The following PPL variants were observed in gnomAD, a reference collection of about 807,000 sequenced individuals.
PPL encodes 190 kDa paraneoplastic pemphigus antigen.
A neutral mutation model predicts 194.4 loss-of-function variants in PPL; 198 were observed. That is an observed-to-expected ratio of 1.02 (90% CI 0.91 to 1.15). PPL has a LOEUF of 1.15. Ranked by LOEUF, PPL falls within the 50% of genes most tolerant of loss-of-function variation. The pLI is 0.00. For missense variants in PPL, 2,885 were observed against 2,294.8 expected, an observed-to-expected ratio of 1.26 and a Z score of -5.25; for synonymous variants, 1,220 against 972.4, an observed-to-expected ratio of 1.25 and a Z score of -4.74.
In PPL at chr16:4,892,233, T is replaced by A; in HGVS notation, c.1651-20A>T. 1 of 1,602,086 alleles carries A rather than the reference T, an allele frequency of 6.2e-7. No individual in the cohort carries two copies. Among genetic ancestry groups the A allele is most frequent in the Non-Finnish European group, 8.5e-7 (1 of 1,171,322 alleles). On this transcript the variant is annotated intron_variant, in intron 14 of 21. Coordinates refer to ENST00000345988, the MANE Select transcript of PPL (RefSeq NM_002705.5). ...GATGTTCTGTGGGAACCAGGGCCCCTCAGTTTTGGACACAGCCAGGCAGCC... is the reference window on the plus strand; with the variant it reads ...GATGTTCTGTGGGAACCAGGGCCCCACAGTTTTGGACACAGCCAGGCAGCC...
intron 1 of PPL, among the ~76,000 whole-genome samples, chr16:4,932,213 G>A (rs904900857): frequency 3.3e-5 from 5 of 152,246 alleles, no homozygotes; most frequent in African/African-American, 1.2e-4. Flanking sequence ...CTGTCAGAAT[G>A]AGATGTAACA....
chr16:4,892,993 G>T, intron 14 of PPL: 1 of 548,774 alleles, frequency 1.8e-6, no homozygotes. Context: ...AAGCCGTGCA[G>T]GAACAATGCA....
rs890289169 is a variant in PPL at position 4,901,219 on chromosome 16, G to A, written c.439-130C>T. ...TCACGGGGCCCTGCAGAGCCACAAG[G>A]AGATGCTGGCCACACCTTCAACCCT... On this transcript the variant is annotated intron_variant, in intron 4 of 21. Transcript: ENST00000345988. 19 of 1,017,618 alleles carry A rather than the reference G, an allele frequency of 1.9e-5. No homozygotes were observed. The Admixed American group carries it at 2.2e-4, about 12-fold the overall frequency. The allele number at this position is 1,017,618 out of a possible 1,614,324, so 63.0% of individuals were successfully genotyped here.
At chr16:4,897,332 C>CAA (rs57191109) in intron 9 of PPL, among the ~76,000 whole-genome samples, 2,190 of 52,878 alleles carry the variant, frequency 0.041, 138 homozygotes, top group African/African-American at 0.13. Flanking sequence ...AAGACTCTCT[C>CAA]AAAAAAAAAA....
At chr16:4,916,467 C>T (rs2088918634) in intron 1 of PPL, among the ~76,000 whole-genome samples, 1 of 151,308 alleles carries the variant, frequency 6.6e-6, no homozygotes, top group South Asian at 2.1e-4. Flanking sequence ...TTGCCTTGGC[C>T]TCCCAAAGTG....
chr16:4,906,704 G>C (rs1339315658), intron 2 of PPL, among the ~76,000 whole-genome samples: 1 of 152,262 alleles, frequency 6.6e-6, no homozygotes, highest in Non-Finnish European at 1.5e-5. Context: ...CTAGCTGAGG[G>C]AGGCTAGTGT....
At chr16:4,887,066 T>C in intron 21 of PPL, 69 bp downstream of exon 21, 1 of 1,297,550 alleles carries the variant, frequency 7.7e-7, no homozygotes, top group Non-Finnish European at 1.1e-6. Flanking sequence ...ACCATTTCTC[T>C]AAGACAGAGT....
rs561766988 is a variant in PPL, at chr16:4,891,612, G to A, written c.1968+199C>T. 11 of 603,660 alleles carry A rather than the reference G, an allele frequency of 1.8e-5. No homozygotes were observed. In the South Asian group the frequency reaches 1.9e-4, roughly 11 times the overall value. The allele number at this position is 603,660 out of a possible 1,614,324, so 37.4% of individuals were successfully genotyped here. ...ATTTGATCTTAAAATGCTGGCACCC[G>A]AAATCCCGTAAGTCACACAGATCCC... On this transcript the variant is annotated intron_variant, in intron 16 of 21. Coordinates refer to ENST00000345988, the MANE Select transcript of PPL (RefSeq NM_002705.5).
In PPL at chr16:4,895,654, CT is replaced by C. The variant is rs765970280; in HGVS notation, c.1034del (p.Gln345ArgfsTer72). On this transcript the variant is annotated frameshift_variant, in exon 10 of 22. Coordinates refer to ENST00000345988, the MANE Select transcript of PPL (RefSeq NM_002705.5). LOFTEE classifies it high-confidence loss of function. ...LLRKVDSDLN[Q>X]KYGPDFKDRY... is the part of the protein sequence containing the mutation. ...GGTCCTTGAAGTCAGGGCCATACTTCTGGTTCAGGTCCGAGTCCACCTTGCG... is the reference window on the plus strand; with the variant it reads ...GGTCCTTGAAGTCAGGGCCATACTTCGGTTCAGGTCCGAGTCCACCTTGCG... The C allele has an allele frequency of 1.9e-6, 3 of 1,613,972 alleles. No individual in the cohort carries two copies. Among genetic ancestry groups the C allele is most frequent in the Non-Finnish European group, 2.5e-6 (3 of 1,180,030 alleles).
At chr16:4,892,912 A>G (rs2142344451) in intron 14 of PPL, 1 of 335,832 alleles carries the variant, frequency 3.0e-6, no homozygotes, top group East Asian at 5.0e-5. Context: ...ACGTGTTTGC[A>G]GTCAAGCCAG....
intron 1 of PPL, among the ~76,000 whole-genome samples, chr16:4,932,698 G>A (rs971327197): frequency 3.3e-5 from 5 of 152,116 alleles, no homozygotes; most frequent in East Asian, 1.9e-4. Context: ...GATTACAGGC[G>A]TGAGCTACCG....
chr16:4,893,723 C>T, intron 12 of PPL, 85 bp from the exon 13 acceptor site: 3 of 1,158,818 alleles, frequency 2.6e-6, no homozygotes, highest in Non-Finnish European at 3.7e-6. Context: ...TCTGGCTGGG[C>T]AGACACCCCA....
chr16:4,914,654 C>G (rs962271049), intron 1 of PPL, among the ~76,000 whole-genome samples: 5 of 152,202 alleles, frequency 3.3e-5, no homozygotes, highest in African/African-American at 1.2e-4. Flanking sequence ...CTTCCTTGGT[C>G]AAGGCACTTA....
chr16:4,920,654 G>T (rs1429406392), intron 1 of PPL, among the ~76,000 whole-genome samples: 1 of 152,102 alleles, frequency 6.6e-6, no homozygotes, highest in African/African-American at 2.4e-5. Flanking sequence ...GTAGAGACAG[G>T]GTTTCGCCAT....
chr16:4,889,224 GT>G (rs34820925), intron 18 of PPL, among the ~76,000 whole-genome samples, 163 bp from the exon 19 acceptor site: 5,649 of 64,488 alleles, frequency 0.088, 429 homozygotes, highest in African/African-American at 0.13. Context: ...GCAAAAGGCA[GT>G]TTTTTTGTTG....
intron 11 of PPL, 139 bp from the exon 12 acceptor site, chr16:4,894,757 G>C (rs2088388376): frequency 4.2e-6 from 4 of 945,970 alleles, no homozygotes; most frequent in South Asian, 3.5e-5. Context: ...GTGGGGAGGG[G>C]CATGCAGGAG....
chr16:4,899,485 G>GACAAGCCCAGCTATGGGTGGCCTGAGC, intron 6 of PPL, 101 bp from the exon 7 acceptor site: 4 of 1,471,656 alleles, frequency 2.7e-6, no homozygotes, highest in East Asian at 2.3e-5. Flanking sequence ...CTGGCCTGAG[G>GACAAGCCCAGCTATGGGTGGCCTGAGC]ACAAGCCCAG....
chr16:4,903,769 G>C (rs1252558604), intron 3 of PPL, 117 bp downstream of exon 3: 1 of 1,211,114 alleles, frequency 8.3e-7, no homozygotes, highest in Non-Finnish European at 1.2e-6. Context: ...CACGTGCCTG[G>C]CACCTAATTA....
chr16:4,903,565 C>T (rs1485454717), intron 3 of PPL, among the ~76,000 whole-genome samples: 1 of 151,958 alleles, frequency 6.6e-6, no homozygotes, highest in African/African-American at 2.4e-5. Context: ...ACTAAAAATA[C>T]AAAAATTAGC....
Sources: gnomAD v4.1 joint callset for allele counts (sites outside exome capture counted in the v4.1 genomes callset) on GRCh38, gnomAD v4.1.1 for gene constraint, MANE v1.5 for transcripts, NCBI Gene and HGNC (gene_info 2026-07-23, HGNC 2026-07-21) for gene names.